ATP2C1: variants seen among roughly 807,000 people sequenced by gnomAD.
ATP2C1 encodes calcium-transporting ATPase type 2C member 1.
Under a neutral mutation model 120.5 loss-of-function variants are expected in ATP2C1, and 31 were observed. The ratio of observed to expected loss-of-function variants is 0.26; its 90% CI spans 0.19 to 0.35. The LOEUF is 0.35. Among genes scored for constraint, ATP2C1 ranks in the 10% least tolerant of loss-of-function variants. The probability of loss-of-function intolerance (pLI) is 1.00; values close to 1 mark genes in which losing one functional copy is unlikely to be tolerated. For missense variants in ATP2C1, 731 were observed against 1,107.5 expected, an observed-to-expected ratio of 0.66 and a Z score of 4.83; for synonymous variants, 351 against 358.7, an observed-to-expected ratio of 0.98 and a Z score of 0.24.
At position 130,977,665 on chromosome 3, in the gene ATP2C1, A is replaced by G. The variant is rs547268022; in HGVS notation, c.1571-1584A>G. On this transcript the variant is annotated intron_variant, in intron 18 of 27. Coordinates refer to ENST00000510168, the MANE Select transcript of ATP2C1 (RefSeq NM_001378687.1). ...TTGTGTATGTGTGTTTTGTACTGTA[A>G]CATTATGAAGTAGACCAGAGTTGGT... Among the ~76,000 whole-genome samples the G allele has an allele frequency of 2.0e-5, 3 of 152,280 alleles. No individual in the cohort carries two copies. The East Asian group carries it at 5.8e-4, about 29-fold the overall frequency.
At chr3:130,912,858 G>A (rs852206) in intron 2 of ATP2C1, among the ~76,000 whole-genome samples, 71,062 of 151,884 alleles carry the variant, frequency 0.47, 18,556 homozygotes, top group Non-Finnish European at 0.6. Context: ...TAACCCAAAT[G>A]CCCAACAATG....
intron 3 of ATP2C1, 71 bp downstream of exon 3, chr3:130,930,597 T>G (rs2059410687): frequency 1.0e-6 from 1 of 995,478 alleles, no homozygotes; most frequent in Admixed American, 1.7e-5. Context: ...AAAACAGTGC[T>G]GTCTAATTTA....
intron 26 of ATP2C1, chr3:131,014,172 T>C: frequency 6.2e-7 from 1 of 1,614,058 alleles, no homozygotes; most frequent in Non-Finnish European, 8.5e-7. Context: ...CCCTCTGTTC[T>C]TAGAACAGCT....
chr3:130,862,219 G>A (rs918789718), intron 1 of ATP2C1, among the ~76,000 whole-genome samples: 5 of 151,008 alleles, frequency 3.3e-5, no homozygotes, highest in East Asian at 3.9e-4. Flanking sequence ...TCCTGACCTC[G>A]TGATCCCTAC....
At chr3:130,893,728 G>GTGGCCGACACGGGGCGTGGGCGAA (rs1449726290), upstream of ATP2C1, among the ~76,000 whole-genome samples, 1 of 152,160 alleles carries the variant, frequency 6.6e-6, no homozygotes, top group African/African-American at 2.4e-5. Flanking sequence ...ACGGGAATGC[G>GTGGCCGACACGGGGCGTGGGCGAA]TGGCCGACAC....
downstream of ATP2C1, among the ~76,000 whole-genome samples, chr3:131,007,572 G>A (rs2063162602): frequency 1.3e-5 from 2 of 152,168 alleles, no homozygotes; most frequent in African/African-American, 4.8e-5. Context: ...ATAAATTCCA[G>A]AGATCCATTT....
intron 1 of ATP2C1, among the ~76,000 whole-genome samples, chr3:130,864,280 T>C (rs998982408): frequency 6.6e-6 from 1 of 152,118 alleles, no homozygotes; most frequent in African/African-American, 2.4e-5. Context: ...ACTTTGAACT[T>C]AAGAAAGATG....
At chr3:130,991,543 C>T (rs1340849399) in intron 20 of ATP2C1, among the ~76,000 whole-genome samples, 1 of 151,684 alleles carries the variant, frequency 6.6e-6, no homozygotes, top group Non-Finnish European at 1.5e-5. Context: ...TTTCCTCTTC[C>T]ATTTAAAAAA....
In ATP2C1 at chr3:130,983,266, C is replaced by T. The variant is rs182418113; in HGVS notation, c.1839+2587C>T. Among the ~76,000 whole-genome samples, 10 of 152,188 alleles carry T rather than the reference C, an allele frequency of 6.6e-5. No individual in the cohort carries two copies. In the East Asian group the frequency reaches 1.9e-3, roughly 29 times the overall value. The stretch of plus-strand genomic sequence containing the variant: ...TATCTAATTTACTTCTTATAGCTAC[C>T]TTATGAAAGATAGGCAGCACCGCTT... On this transcript the variant is annotated intron_variant, in intron 20 of 27. Transcript: ENST00000510168.
chr3:131,006,635 TTGTGTGTGTGTGTGTG>T (rs3073260), downstream of ATP2C1, among the ~76,000 whole-genome samples: 54 of 147,236 alleles, frequency 3.7e-4, no homozygotes, highest in Admixed American at 2.6e-3. Context: ...TAGTGTGTGT[TTGTGTGTGTGTGTGTG>T]TGTGTGTGTG....
rs201785130 is a variant in ATP2C1 at position 130,854,077 on chromosome 3, T to A, written c.108+3149T>A. 1.1e-4 allele frequency: 17 copies of A among 152,338 alleles called. No individual in the cohort carries two copies. The East Asian group carries it at 3.3e-3, about 29-fold the overall frequency. The allele number at this position is 152,338 out of a possible 1,614,324, so 9.4% of individuals were successfully genotyped here. A position where few individuals can be genotyped will look rare whatever the true frequency, so the allele number is the denominator to read the frequency against. ...GATTTGACATGAGGGTTGATTTGTT[T>A]GGTAGCTTTTTCTGGTGGTGGTAGT... On this transcript the variant is annotated intron_variant, in intron 1 of 26. Transcript: ENST00000504381.
intron 26 of ATP2C1, 126 bp downstream of exon 26, chr3:130,998,515 A>G: frequency 1.4e-6 from 1 of 733,224 alleles, no homozygotes; most frequent in South Asian, 1.5e-5. Flanking sequence ...TTGCAGCCCC[A>G]GACACAGCCT....
intron 2 of ATP2C1, among the ~76,000 whole-genome samples, chr3:130,911,879 G>A (rs1343406999): frequency 2.8e-5 from 4 of 145,304 alleles, no homozygotes; most frequent in African/African-American, 1.0e-4. Flanking sequence ...AACCAAAACA[G>A]CATGGTACTG....
At chr3:130,879,036 C>T (rs2068697763) in intron 1 of ATP2C1, among the ~76,000 whole-genome samples, 1 of 152,006 alleles carries the variant, frequency 6.6e-6, no homozygotes, top group African/African-American at 2.4e-5. Context: ...TTGTTTATTT[C>T]ATACATTGGG....
In ATP2C1 at chr3:130,859,658, C is replaced by T. The variant is rs369207531; in HGVS notation, c.108+8730C>T. Among the ~76,000 whole-genome samples the T allele has an allele frequency of 3.9e-5, 6 of 152,320 alleles. No homozygotes were observed. In the East Asian group the frequency reaches 7.7e-4, roughly 20 times the overall value. On this transcript the variant is annotated intron_variant, in intron 1 of 26. Coordinates refer to the ATP2C1 transcript ENST00000504381. ...GAAGGTGTTCCATCCTTCTTGTCCA[C>T]AGCATCACAGCAGTGAAGTGTCAGA...
chr3:130,925,087 C>T (rs182000520), intron 2 of ATP2C1, among the ~76,000 whole-genome samples: 22 of 151,848 alleles, frequency 1.4e-4, no homozygotes, highest in African/African-American at 5.1e-4. Flanking sequence ...TCAGAGAGTT[C>T]GTCTTTGTTC....
intron 12 of ATP2C1, among the ~76,000 whole-genome samples, chr3:130,961,923 C>T (rs958553045): frequency 6.6e-6 from 1 of 152,014 alleles, no homozygotes; most frequent in Non-Finnish European, 1.5e-5. Context: ...GATGATGATA[C>T]TCTAGATCTT....
At chr3:130,881,767 T>C (rs2068788921) in intron 1 of ATP2C1, among the ~76,000 whole-genome samples, 1 of 152,236 alleles carries the variant, frequency 6.6e-6, no homozygotes, top group Non-Finnish European at 1.5e-5. Flanking sequence ...ATAGAGATGT[T>C]TCACTTCTTT....
chr3:130,980,462 T>C (rs370507485), intron 19 of ATP2C1, 120 bp from the exon 20 acceptor site: 56 of 716,192 alleles, frequency 7.8e-5, no homozygotes, highest in African/African-American at 7.5e-4. Flanking sequence ...GATAGGTTTG[T>C]ATTACTGGTA....
Sources: gnomAD v4.1 joint callset for allele counts (sites outside exome capture counted in the v4.1 genomes callset) on GRCh38, gnomAD v4.1.1 for gene constraint, MANE v1.5 for transcripts, NCBI Gene and HGNC (gene_info 2026-07-23, HGNC 2026-07-21) for gene names.